WDPCP: variants seen among roughly 807,000 people sequenced by gnomAD.
The protein encoded by WDPCP is WD repeat containing planar cell polarity effector.
Under a neutral mutation model 93.1 loss-of-function variants are expected in WDPCP, and 71 were observed. The observed-to-expected ratio is 0.76, with a 90% confidence interval of 0.63 to 0.93. WDPCP has a LOEUF of 0.93. Ranked by LOEUF, WDPCP falls within the 40% of genes least tolerant of loss-of-function variation. WDPCP has a pLI of 0.00. For synonymous variants in WDPCP, 315 were observed against 315.0 expected (o/e 1.00, Z 0.00); for missense variants, 844 against 887.4 (o/e 0.95, Z 0.62).
At chr2:63,658,056 T>A (rs1710188115) in intron 2 of WDPCP, among the ~76,000 whole-genome samples, 2 of 152,250 alleles carry the variant, frequency 1.3e-5, no homozygotes, top group South Asian at 4.1e-4. Context: ...TAATGGCATT[T>A]TTTTTAGCTT....
chr2:63,467,548 G>C (rs187115679), intron 6 of WDPCP, among the ~76,000 whole-genome samples: 2 of 152,096 alleles, frequency 1.3e-5, no homozygotes, highest in East Asian at 3.9e-4. Flanking sequence ...GGAGGCCAAG[G>C]CAGGTGGATC....
chr2:63,604,497 A>C (rs1285867667), intron 3 of WDPCP, among the ~76,000 whole-genome samples: 1 of 152,238 alleles, frequency 6.6e-6, no homozygotes, highest in African/African-American at 2.4e-5. Context: ...TTTCAAGTCC[A>C]CAGTTGTTAC....
intron 1 of WDPCP, among the ~76,000 whole-genome samples, chr2:63,558,108 G>A (rs775695413): frequency 6.6e-6 from 1 of 151,360 alleles, no homozygotes; most frequent in Non-Finnish European, 1.5e-5. Flanking sequence ...AAGCAGACAA[G>A]AAATAACCAA....
intron 11 of WDPCP, among the ~76,000 whole-genome samples, chr2:63,381,494 G>A (rs1473295747): frequency 6.6e-6 from 1 of 152,056 alleles, no homozygotes; most frequent in Non-Finnish European, 1.5e-5. Flanking sequence ...CTGGACAGAG[G>A]ACTTCGGTGT....
At chr2:63,794,144 G>T (rs1245253007) in intron 2 of WDPCP, among the ~76,000 whole-genome samples, 1 of 152,046 alleles carries the variant, frequency 6.6e-6, no homozygotes, top group African/African-American at 2.4e-5. Context: ...ATTCTGAATT[G>T]CTCTCTTTCA....
At chr2:63,534,805 C>G (rs1014587440) in intron 1 of WDPCP, among the ~76,000 whole-genome samples, 1 of 152,186 alleles carries the variant, frequency 6.6e-6, no homozygotes, top group African/African-American at 2.4e-5. Context: ...TCACACAAGA[C>G]AGGGATGCCC....
chr2:63,136,662 G>C (rs1670642082), intron 17 of WDPCP, among the ~76,000 whole-genome samples: 1 of 152,066 alleles, frequency 6.6e-6, no homozygotes, highest in Non-Finnish European at 1.5e-5. Context: ...ATTAAGCCTA[G>C]TACCCATTAG....
At chr2:63,259,005 A>G (rs951697433) in intron 14 of WDPCP, among the ~76,000 whole-genome samples, 1 of 152,200 alleles carries the variant, frequency 6.6e-6, no homozygotes, top group African/African-American at 2.4e-5. Flanking sequence ...GGTTAATTTT[A>G]GTAACAGCAC....
At position 63,386,928 on chromosome 2, in the gene WDPCP, G is replaced by T. The variant is rs933077180; in HGVS notation, c.1436-4834C>A. Among the ~76,000 whole-genome samples the T allele has an allele frequency of 9.9e-5, 15 of 152,156 alleles. No individual in the cohort carries two copies. The East Asian group carries it at 2.9e-3, about 29-fold the overall frequency. ...TTTCTGGGAACGTACACCCTGTCAA[G>T]ATTGAATCAGGAAGAAACTGAATCC... is the stretch of plus-strand genomic sequence containing the variant. On this transcript the variant is annotated intron_variant, in intron 10 of 17. Coordinates refer to ENST00000272321, the MANE Select transcript of WDPCP (RefSeq NM_015910.7).
chr2:63,798,856 G>C (rs74368788), intron 2 of WDPCP, among the ~76,000 whole-genome samples: 1 of 152,064 alleles, frequency 6.6e-6, no homozygotes, highest in Non-Finnish European at 1.5e-5. Flanking sequence ...ATGACACACA[G>C]AGGCTGAAAA....
chr2:63,770,679 A>G (rs973968617), intron 2 of WDPCP, among the ~76,000 whole-genome samples: 11 of 151,906 alleles, frequency 7.2e-5, no homozygotes, highest in Non-Finnish European at 1.3e-4. Flanking sequence ...CCTTTCAAGG[A>G]GTCTACAGGG....
chr2:63,566,289 G>A (rs955168092), intron 1 of WDPCP, among the ~76,000 whole-genome samples: 3 of 152,158 alleles, frequency 2.0e-5, no homozygotes, highest in Non-Finnish European at 2.9e-5. Flanking sequence ...TCTGATTTGC[G>A]TCCTTTGGAA....
chr2:63,805,475 G>A (rs977163366), intron 2 of WDPCP, among the ~76,000 whole-genome samples: 45 of 152,128 alleles, frequency 3.0e-4, no homozygotes, highest in African/African-American at 1.0e-3. Flanking sequence ...AATTGAAACT[G>A]ACTCAGTTTG....
At chr2:63,632,683 A>G (rs1192511762) in intron 3 of WDPCP, among the ~76,000 whole-genome samples, 1 of 152,214 alleles carries the variant, frequency 6.6e-6, no homozygotes, top group African/African-American at 2.4e-5. Flanking sequence ...GGAAATAAAA[A>G]AGGAAATTTT....
chr2:63,770,344 G>A (rs1670206631), intron 2 of WDPCP, among the ~76,000 whole-genome samples: 1 of 151,742 alleles, frequency 6.6e-6, no homozygotes, highest in African/African-American at 2.4e-5. Context: ...ATCCTTAAAT[G>A]AATATATTCA....
rs144741366 is a variant in WDPCP, at chr2:63,277,879, A to T, written c.1813-18470T>A. On this transcript the variant is annotated intron_variant, in intron 13 of 17. Transcript: ENST00000272321. ...GAAAGTCAAGAAACAATGGACTTAA[A>T]CTATACTCCAGAGCAAATGAACTTA... Among the ~76,000 whole-genome samples, 272 of 152,336 alleles carry T rather than the reference A, an allele frequency of 1.8e-3. 2 individuals carry two copies. Among genetic ancestry groups the T allele is most frequent in the African/African-American group, 6.1e-3 (254 of 41,578 alleles).
intron 6 of WDPCP, 93 bp downstream of exon 6, chr2:63,484,511 G>A (rs1575505085): frequency 6.8e-7 from 1 of 1,471,296 alleles, no homozygotes; most frequent in East Asian, 2.3e-5. Flanking sequence ...AAAAGTTTTT[G>A]TCCATTACCT....
chr2:63,381,287 T>A lies in WDPCP; in HGVS notation c.1624+619A>T, dbSNP rs544570932. 9.7e-4 allele frequency among the ~76,000 whole-genome samples: 148 copies of A among 152,192 alleles called. 1 individual carries two copies. Among genetic ancestry groups the A allele is most frequent in the Non-Finnish European group, 8.8e-5 (6 of 68,006 alleles). ...CCACTGCCCCACCCCCTGACCTTAG[T>A]TTTTTTACCTTCTCTTTTAAAATTA... On this transcript the variant is annotated intron_variant, in intron 11 of 17. Transcript: ENST00000272321.
intron 2 of WDPCP, among the ~76,000 whole-genome samples, chr2:63,750,101 T>G (rs1669858425): frequency 6.6e-6 from 1 of 152,058 alleles, no homozygotes; most frequent in African/African-American, 2.4e-5. Flanking sequence ...AGAAGTGATT[T>G]TGAAGAATGA....
Sources: allele counts gnomAD v4.1 joint callset (sites outside exome capture counted in the v4.1 genomes callset), GRCh38; gene constraint gnomAD v4.1.1; transcripts MANE v1.5; gene names NCBI Gene and HGNC (gene_info 2026-07-23, HGNC 2026-07-21).